The following SALL1 variants were observed in gnomAD, a reference collection of about 807,000 sequenced individuals.
The protein encoded by SALL1 is sal-like protein 1.
A neutral mutation model predicts 73.1 loss-of-function variants in SALL1; 10 were observed. The ratio of observed to expected loss-of-function variants is 0.14; its 90% confidence interval spans 0.08 to 0.23. The LOEUF (loss-of-function observed/expected upper bound fraction) is 0.23. Ranked by LOEUF, SALL1 falls within the 10% of genes least tolerant of loss-of-function variation. SALL1 has a pLI of 1.00. For synonymous variants in SALL1, 688 were observed against 689.8 expected (o/e 1.00, Z 0.04); for missense variants, 1,520 against 1,697.3 (o/e 0.90, Z 1.84).
At chr16:51,149,804 G>T (rs1284968623) in intron 1 of SALL1, 1 of 152,040 alleles carries the variant, frequency 6.6e-6, no homozygotes, top group Non-Finnish European at 1.5e-5. Context: ...CGGGGACCTG[G>T]GGGCCCGGGC....
Position 51,137,034 on chromosome 16 carries a change from TG to T in SALL1, c.*77del. On this transcript the variant is annotated 3_prime_UTR_variant, in exon 3 of 3. Transcript: ENST00000251020. Reference sequence around the variant, plus strand: ...AACAGAAGGAAGGGGCGGGGCGGGGTGGGGGGCAAGGAGTAGGAGGCCACCA... The same window carrying T: ...AACAGAAGGAAGGGGCGGGGCGGGGTGGGGGCAAGGAGTAGGAGGCCACCA... The T allele has an allele frequency of 8.9e-6, 10 of 1,125,882 alleles. No homozygotes were observed. Among genetic ancestry groups the T allele is most frequent in the South Asian group, 2.8e-5 (2 of 71,538 alleles). The allele number at this position is 1,125,882 out of a possible 1,614,324, so 69.7% of individuals were successfully genotyped here.
chr16:51,146,204 G>C (rs931259106), intron 1 of SALL1, among the ~76,000 whole-genome samples: 5 of 151,874 alleles, frequency 3.3e-5, no homozygotes, highest in African/African-American at 1.2e-4. Flanking sequence ...GTTCTGACGG[G>C]GATTAGAGTA....
At position 51,140,875 on chromosome 16, in the gene SALL1, G is replaced by A; in HGVS notation, c.1347C>T (p.His449=). 2 of 1,614,214 alleles carry A rather than the reference G, an allele frequency of 1.2e-6. No individual in the cohort carries two copies. Among genetic ancestry groups the A allele is most frequent in the Admixed American group, 1.7e-5 (1 of 60,030 alleles). Residue 449 remains histidine (H), a synonymous_variant, in exon 2 of 3, where the codon CAC becomes CAT. Coordinates refer to ENST00000251020, the MANE Select transcript of SALL1 (RefSeq NM_002968.3). This position sits in a 1 kb window ranked among gnomAD's most constrained non-coding sequence, Gnocchi z 5.7. ...KSTSDEAFFK[H]KCRFCAKVFG... is the part of the protein sequence containing the mutation. ...AGACCTTCGCGCAGAACCTGCACTT[G>A]TGTTTGAAGAATGCCTCATCGGAAG...
chr16:51,149,649 C>A (rs1432463213), intron 1 of SALL1: 2 of 152,142 alleles, frequency 1.3e-5, no homozygotes, highest in East Asian at 1.9e-4. Context: ...TAAAGCATTT[C>A]TTAATTAATT....
chr16:51,145,654 C>A (rs1373684739), intron 1 of SALL1, among the ~76,000 whole-genome samples: 1 of 152,072 alleles, frequency 6.6e-6, no homozygotes, highest in Non-Finnish European at 1.5e-5. Context: ...ATCATCTGAA[C>A]CAAACTGCAG....
intron 1 of SALL1, among the ~76,000 whole-genome samples, chr16:51,149,034 A>T (rs887771659): frequency 6.6e-6 from 1 of 152,212 alleles, no homozygotes. Flanking sequence ...AATCAAAAGA[A>T]GGAGAGAAAA....
In SALL1 at chr16:51,142,003, G is replaced by A. The variant is rs774483464; in HGVS notation, c.219C>T (p.Ile73=). The stretch of plus-strand genomic sequence containing the variant: ...GTGGGGAGGCTGGATTTTCATTTAC[G>A]ATTAAAACTAATTGATTTTTAGTAC... ...KNCTKNQLVL[I]VNENPASPPE... is the part of the protein sequence containing the mutation. Residue 73 remains isoleucine (I), a synonymous_variant, in exon 2 of 3, where the codon ATC becomes ATT. Transcript: ENST00000251020. The A allele has an allele frequency of 2.5e-5, 40 of 1,614,012 alleles. No individual in the cohort carries two copies. In the Admixed American group the frequency reaches 3.5e-4, roughly 14 times the overall value.
At position 51,139,401 on chromosome 16, in the gene SALL1, A is replaced by G; in HGVS notation, c.2821T>C (p.Ser941Pro). The change falls in exon 2 of 3, where the codon TCA becomes CCA. Residue 941 changes from serine (S) to proline (P), a missense_variant. Around this residue, in one of 7 missense-constraint regions of SALL1, gnomAD observed 266 missense variants for 275.1 expected, o/e 0.97. Transcript: ENST00000251020. ...PSNSTQEFHKSPSIEEKPQRA... is the reference protein window; with the variant it reads ...PSNSTQEFHKPPSIEEKPQRA... ...TGTGGTTTCTCCTCAATGCTGGGTGACTTGTGGAACTCCTGCGTGCTGTTG... is the reference window on the plus strand; with the variant it reads ...TGTGGTTTCTCCTCAATGCTGGGTGGCTTGTGGAACTCCTGCGTGCTGTTG... 1.2e-6 allele frequency: 2 copies of G among 1,614,114 alleles called. No individual in the cohort carries two copies. The highest frequency in any genetic ancestry group is 1.7e-6 in the Non-Finnish European group (2 of 1,180,014).
chr16:51,143,871 A>G (rs1962479331), intron 1 of SALL1, among the ~76,000 whole-genome samples: 1 of 152,166 alleles, frequency 6.6e-6, no homozygotes, highest in Non-Finnish European at 1.5e-5. Flanking sequence ...TTTAATCTCC[A>G]CAAGGGCATA....
At position 51,138,957 on chromosome 16, in the gene SALL1, C is replaced by A; in HGVS notation, c.3265G>T (p.Val1089Phe). Reference sequence around the variant, plus strand: ...GGAGAAACATGCACGAAGCCGTTGACCTCTGTCTTGATGAGAGATGACAAC... The same window carrying A: ...GGAGAAACATGCACGAAGCCGTTGAACTCTGTCTTGATGAGAGATGACAAC... ...NSLSSLIKTE[V>F]NGFVHVSPQD... Residue 1089 changes from valine to phenylalanine, a missense_variant, in exon 2 of 3, where the codon GTC (valine) becomes TTC (phenylalanine). Physicochemically the swap from Val to Phe is conservative, Grantham distance 50 (BLOSUM62 -1). Transcript: ENST00000251020. The A allele has an allele frequency of 6.2e-7, 1 of 1,614,142 alleles. No individual in the cohort carries two copies. Among genetic ancestry groups the A allele is most frequent in the Non-Finnish European group, 8.5e-7 (1 of 1,180,032 alleles).
chr16:51,142,251 C>T, intron 1 of SALL1, 106 bp from the exon 2 acceptor site: 2 of 880,650 alleles, frequency 2.3e-6, no homozygotes, highest in Non-Finnish European at 3.7e-6. Flanking sequence ...CTGCAAAACT[C>T]AAAACTGTAG....
chr16:51,147,296 G>T (rs376959964), intron 1 of SALL1, among the ~76,000 whole-genome samples: 7 of 152,202 alleles, frequency 4.6e-5, no homozygotes, highest in South Asian at 2.1e-4. Context: ...TTATGTGTTT[G>T]TTTTTTAATA....
In SALL1 at chr16:51,139,819, G is replaced by T. The variant is rs1237482844; in HGVS notation, c.2403C>A (p.Ser801Arg). 6.2e-7 allele frequency: 1 copy of T among 1,614,212 alleles called. No individual in the cohort carries two copies. Among genetic ancestry groups the T allele is most frequent in the Non-Finnish European group, 8.5e-7 (1 of 1,180,048 alleles). Residue 801 changes from serine (S) to arginine (R), a missense_variant, in exon 2 of 3, where the codon AGC becomes AGA. Coordinates refer to ENST00000251020, the MANE Select transcript of SALL1 (RefSeq NM_002968.3). ...GQIPNTPVPD[S>R]YSESMESDTG... is the part of the protein sequence containing the mutation. ...TGTCAGACTCCATGGACTCAGAGTA[G>T]CTGTCGGGGACTGGGGTGTTGGGGA...
At position 51,141,049 on chromosome 16, in the gene SALL1, A is replaced by C; in HGVS notation, c.1173T>G (p.Leu391=). The part of the protein sequence containing the change: ...SSLLSPASNP[L]LPQQASANSV... The stretch of plus-strand genomic sequence containing the variant: ...AGTTAGCGGAGGCTTGCTGAGGTAG[A>C]AGTGGATTAGACGCAGGACTTAATA... Residue 391 remains leucine, a synonymous_variant, in exon 2 of 3, where the codon CTT becomes CTG. Coordinates refer to ENST00000251020, the MANE Select transcript of SALL1 (RefSeq NM_002968.3). The surrounding 1 kb of genome is among the most constrained non-coding windows in gnomAD (Gnocchi z 5.4). 6.2e-7 allele frequency: 1 copy of C among 1,614,220 alleles called. No individual in the cohort carries two copies. Among genetic ancestry groups the C allele is most frequent in the Non-Finnish European group, 8.5e-7 (1 of 1,180,052 alleles).
At chr16:51,150,539 G>A (rs1051593344) in intron 1 of SALL1, 22 of 985,916 alleles carry the variant, frequency 2.2e-5, no homozygotes, top group Non-Finnish European at 2.5e-5. Context: ...ACCCCAGCGG[G>A]TCAGGCGCTG....
rs1962332596 is a variant in SALL1 at position 51,137,493 on chromosome 16, A to G, written c.3594T>C (p.Ser1198=). Residue 1198 remains serine, a synonymous_variant, in exon 3 of 3, where the codon TCT becomes TCC. Transcript: ENST00000251020. The part of the protein sequence containing the change: ...STPARRGRRL[S]VDGPMTFLGG... ...CTAGAAATGTCATGGGGCCATCCAC[A>G]GAGAGCCGCCGACCCCGTCGTGCAG... is the stretch of plus-strand genomic sequence containing the variant. 6.2e-6 allele frequency: 10 copies of G among 1,614,074 alleles called. No individual in the cohort carries two copies. The East Asian group carries it at 2.2e-4, about 36-fold the overall frequency.
rs1962415667 is a variant in SALL1, at chr16:51,141,013, G to T, written c.1209C>A (p.Pro403=). Residue 403 remains proline, a synonymous_variant, in exon 2 of 3, where the codon CCC becomes CCA. Coordinates refer to ENST00000251020, the MANE Select transcript of SALL1 (RefSeq NM_002968.3). The surrounding 1 kb of genome is among the most constrained non-coding windows in gnomAD (Gnocchi z 5.4). ...PQQASANSVF[P]SPLPNIGTTA... ...TTGTTCCGATGTTGGGCAAAGGGCT[G>T]GGGAAAACCGAGTTAGCGGAGGCTT... The T allele has an allele frequency of 4.3e-6, 7 of 1,614,210 alleles. No homozygotes were observed. In the East Asian group the frequency reaches 1.1e-4, roughly 26 times the overall value.
chr16:51,138,361 G>A (rs1451665879), intron 2 of SALL1, among the ~76,000 whole-genome samples: 2 of 5,140 alleles, frequency 3.9e-4, no homozygotes, highest in Non-Finnish European at 1.3e-3. Flanking sequence ...CCATGGCAAC[G>A]CTAGGCTTTC....
At position 51,139,717 on chromosome 16, in the gene SALL1, G is replaced by A; in HGVS notation, c.2505C>T (p.Gly835=). 6.2e-7 allele frequency: 1 copy of A among 1,614,232 alleles called. No individual in the cohort carries two copies. Residue 835 remains glycine, a synonymous_variant, in exon 2 of 3, where the codon GGC becomes GGT. Coordinates refer to ENST00000251020, the MANE Select transcript of SALL1 (RefSeq NM_002968.3). ...SDENMEDCPE[G]SIPDTPKSAD... ...CAGACTTAGGTGTATCAGGGATGCT[G>A]CCCTCAGGACAGTCTTCCATGTTTT...
Sources: gnomAD v4.1 joint callset for allele counts (sites outside exome capture counted in the v4.1 genomes callset) on GRCh38, gnomAD v4.1.1 for gene constraint, gnomAD v4.1.1 regional missense constraint, Gnocchi (gnomAD v3.1) non-coding constraint, MANE v1.5 for transcripts, NCBI Gene and HGNC (gene_info 2026-07-23, HGNC 2026-07-21) for gene names.